Variants in FGGY observed in about 807,000 individuals in gnomAD.
FGGY encodes the protein FGGY carbohydrate kinase domain-containing protein.
FGGY carries 72 observed loss-of-function variants against 71.3 expected under a neutral mutation model. That is an observed-to-expected ratio of 1.01 (90% CI 0.84 to 1.23). The LOEUF (loss-of-function observed/expected upper bound fraction) is 1.23. Ranked by LOEUF, FGGY falls within the 50% of genes most tolerant of loss-of-function variation. The probability of loss-of-function intolerance (pLI) is 0.00; values close to 1 mark genes in which losing one functional copy is unlikely to be tolerated. For missense variants in FGGY, 668 were observed against 682.3 expected (o/e 0.98, Z 0.23); for synonymous variants, 251 against 250.3 (o/e 1.00, Z -0.02).
chr1:59,610,726 C>T (rs1000951175), intron 9 of FGGY, among the ~76,000 whole-genome samples: 4 of 152,202 alleles, frequency 2.6e-5, no homozygotes, highest in Non-Finnish European at 4.4e-5. Flanking sequence ...TCGCCTCACC[C>T]GGGAAGCACA....
intron 5 of FGGY, among the ~76,000 whole-genome samples, chr1:59,450,750 G>T (rs750208088): frequency 6.6e-6 from 1 of 151,864 alleles, no homozygotes; most frequent in African/African-American, 2.4e-5. Flanking sequence ...ATTATGAATG[G>T]TAGTTTTCTT....
At chr1:59,741,146 C>G (rs2098143475) in intron 14 of FGGY, among the ~76,000 whole-genome samples, 1 of 151,988 alleles carries the variant, frequency 6.6e-6, no homozygotes, top group Non-Finnish European at 1.5e-5. Context: ...AAATAAAATC[C>G]CTGGCTGGGC....
intron 14 of FGGY, among the ~76,000 whole-genome samples, chr1:59,682,055 A>G (rs1319184366): frequency 6.6e-6 from 1 of 152,240 alleles, no homozygotes; most frequent in African/African-American, 2.4e-5. Flanking sequence ...TGCATTTCAA[A>G]GAAATTTGAA....
At position 59,543,210 on chromosome 1, in the gene FGGY, C is replaced by T. The variant is rs766824935; in HGVS notation, c.800-10914C>T. On this transcript the variant is annotated intron_variant, in intron 7 of 15. Transcript: ENST00000303721. Reference sequence around the variant, plus strand: ...CCACAACCCTGGGCTTTTTATCCTGCTTAGGGTTTTGTTTTGTTTTGCTTG... The same window carrying T: ...CCACAACCCTGGGCTTTTTATCCTGTTTAGGGTTTTGTTTTGTTTTGCTTG... Among the ~76,000 whole-genome samples the T allele has an allele frequency of 7.9e-5, 12 of 152,270 alleles. 1 individual carries two copies. The South Asian group carries it at 1.0e-3, about 13-fold the overall frequency.
At chr1:59,459,581 A>G (rs1572404562) in intron 6 of FGGY, among the ~76,000 whole-genome samples, 1 of 152,238 alleles carries the variant, frequency 6.6e-6, no homozygotes, top group South Asian at 2.1e-4. Flanking sequence ...TCTGTGTTCA[A>G]TGAAATGATC....
intron 5 of FGGY, among the ~76,000 whole-genome samples, chr1:59,389,575 T>G (rs1203524642): frequency 6.6e-6 from 1 of 152,154 alleles, no homozygotes; most frequent in East Asian, 1.9e-4. Context: ...GGGTCTCTGC[T>G]TTTAGTTCTT....
chr1:59,536,943 G>A (rs61787023), intron 7 of FGGY, among the ~76,000 whole-genome samples: 1,701 of 152,074 alleles, frequency 0.011, 19 homozygotes, highest in Admixed American at 0.018. Flanking sequence ...GCACAAGACA[G>A]GGATGCCCTC....
chr1:59,505,208 T>C (rs1291332570), intron 6 of FGGY, among the ~76,000 whole-genome samples: 1 of 152,204 alleles, frequency 6.6e-6, no homozygotes, highest in Non-Finnish European at 1.5e-5. Context: ...CAAGATGGCA[T>C]AAGAAGAGGT....
rs180948120 is a variant in FGGY at position 59,422,448 on chromosome 1, A to G, written c.555-34513A>G. On this transcript the variant is annotated intron_variant, in intron 5 of 15. Coordinates refer to ENST00000303721, the MANE Select transcript of FGGY (RefSeq NM_018291.5). ...GTGATTCACGCCAGTAGTCCCAGCA[A>G]CTTTGGGAGGCTGAATTGGGTGGAT... Among the ~76,000 whole-genome samples, 418 of 152,228 alleles carry G rather than the reference A, an allele frequency of 2.7e-3. 3 individuals carry two copies. Among genetic ancestry groups the G allele is most frequent in the Middle Eastern group, 0.01 (3 of 294 alleles).
At chr1:59,658,088 A>T (rs2097238523) in intron 11 of FGGY, among the ~76,000 whole-genome samples, 1 of 152,204 alleles carries the variant, frequency 6.6e-6, no homozygotes, top group Admixed American at 6.5e-5. Context: ...TCACTCAGCA[A>T]ATATTAACTG....
At chr1:59,580,636 C>T (rs763899766) in intron 8 of FGGY, among the ~76,000 whole-genome samples, 2 of 152,106 alleles carry the variant, frequency 1.3e-5, no homozygotes, top group African/African-American at 4.8e-5. Flanking sequence ...ATTCAGCAAC[C>T]GCAGGTCCTT....
intron 7 of FGGY, among the ~76,000 whole-genome samples, chr1:59,538,356 G>A (rs1466686377): frequency 8.6e-5 from 13 of 151,754 alleles, no homozygotes; most frequent in African/African-American, 3.2e-4. Flanking sequence ...AGGTGCTGGA[G>A]AGGATGTGGA....
chr1:59,521,317 A>T (rs1469619656), intron 7 of FGGY, among the ~76,000 whole-genome samples: 3 of 152,168 alleles, frequency 2.0e-5, no homozygotes, highest in Non-Finnish European at 4.4e-5. Flanking sequence ...GGGGGGAAGG[A>T]TAACTGAGTT....
chr1:59,591,925 CA>C (rs2096448874), intron 8 of FGGY, among the ~76,000 whole-genome samples: 2 of 152,116 alleles, frequency 1.3e-5, no homozygotes, highest in Non-Finnish European at 2.9e-5. Context: ...CAACAAAAGC[CA>C]AAATTGACAA....
intron 14 of FGGY, among the ~76,000 whole-genome samples, chr1:59,706,675 A>G (rs1308489769): frequency 6.6e-6 from 1 of 152,216 alleles, no homozygotes; most frequent in Non-Finnish European, 1.5e-5. Flanking sequence ...AGTATCAAAA[A>G]AGACAGGAAT....
rs114923327 is a variant in FGGY at position 59,702,353 on chromosome 1, A to C, written c.1512+28220A>C. On this transcript the variant is annotated intron_variant, in intron 14 of 15. Coordinates refer to ENST00000303721, the MANE Select transcript of FGGY (RefSeq NM_018291.5). Reference sequence around the variant, plus strand: ...ATTATTTCCATGTAGGCAGACTCATATGGAGACCTATATCTTTATCAAAAA... The same window carrying C: ...ATTATTTCCATGTAGGCAGACTCATCTGGAGACCTATATCTTTATCAAAAA... 4.3e-3 allele frequency among the ~76,000 whole-genome samples: 651 copies of C among 152,296 alleles called. 12 individuals are homozygous for C. Among genetic ancestry groups the C allele is most frequent in the African/African-American group, 0.015 (623 of 41,560 alleles).
intron 8 of FGGY, 135 bp downstream of exon 8, chr1:59,554,362 A>G (rs1219152417): frequency 1.6e-6 from 1 of 609,036 alleles, no homozygotes. Context: ...TTGTCTAGCC[A>G]GAAGCCCAGC....
intron 8 of FGGY, among the ~76,000 whole-genome samples, chr1:59,591,073 T>C (rs2096424960): frequency 6.6e-6 from 1 of 152,174 alleles, no homozygotes; most frequent in African/African-American, 2.4e-5. Flanking sequence ...CTCAAGCTGA[T>C]AAGCAACTTC....
At chr1:59,540,589 T>G (rs1299381807) in intron 7 of FGGY, among the ~76,000 whole-genome samples, 1 of 152,206 alleles carries the variant, frequency 6.6e-6, no homozygotes, top group African/African-American at 2.4e-5. Flanking sequence ...GTTTATTTCT[T>G]GATCTGGATA....
Sources: allele counts gnomAD v4.1 joint callset (sites outside exome capture counted in the v4.1 genomes callset), GRCh38; gene constraint gnomAD v4.1.1; transcripts MANE v1.5; gene names NCBI Gene and HGNC (gene_info 2026-07-23, HGNC 2026-07-21).